DMD: variants seen among roughly 807,000 people sequenced by gnomAD.
The protein encoded by DMD is dystrophin, also known as mutant dystrophin.
A neutral mutation model predicts 330.1 loss-of-function variants in DMD; 63 were observed. The ratio of observed to expected loss-of-function variants is 0.19; its 90% CI spans 0.16 to 0.24. DMD has a LOEUF of 0.24. Ranked by LOEUF, DMD falls within the 10% of genes least tolerant of loss-of-function variation. The pLI, the probability that DMD is intolerant of heterozygous loss-of-function variation, is 1.00. For synonymous variants in DMD, 1,223 were observed against 959.8 expected (o/e 1.27, Z -5.07); for missense variants, 3,344 against 2,684.1 (o/e 1.25, Z -5.43).
At chrX:32,819,140 G>A (rs1231785711) in intron 5 of DMD, among the ~76,000 whole-genome samples, 1 of 109,339 alleles carries the variant, frequency 9.1e-6, no homozygotes, top group Non-Finnish European at 1.9e-5. Flanking sequence ...AATGAAGAGG[G>A]TAGGAATAAT....
chrX:32,834,573 A>G (rs1366103162), intron 4 of DMD, among the ~76,000 whole-genome samples: 1 of 111,796 alleles, frequency 8.9e-6, no homozygotes, highest in Non-Finnish European at 1.9e-5. Flanking sequence ...TTAAGTGAAT[A>G]TTTGAACATA....
chrX:32,016,850 C>A (rs1322264268), intron 44 of DMD, among the ~76,000 whole-genome samples: 1 of 112,526 alleles, frequency 8.9e-6, no homozygotes, highest in African/African-American at 3.2e-5. Context: ...GTAAAATGGG[C>A]TGTTAAACAC....
In DMD at chrX:32,970,446, T is replaced by A. The variant is rs1345002303; in HGVS notation, c.93+49693A>T. The stretch of plus-strand genomic sequence containing the variant: ...TGTACCCCATAAATATATATATCTA[T>A]TGTGTACCCACAAAAATAAGATACT... On this transcript the variant is annotated intron_variant, in intron 2 of 78. Transcript: ENST00000357033. 4.3e-5 allele frequency among the ~76,000 whole-genome samples: 4 copies of A among 93,265 alleles called. 1 individual carries two copies. The East Asian group carries it at 1.3e-3, about 31-fold the overall frequency. The allele number at this position is 93,265 out of a possible 115,157, so 81.0% of individuals were successfully genotyped here.
chrX:33,075,292 C>A (rs1410293260), intron 1 of DMD, among the ~76,000 whole-genome samples: 3 of 111,948 alleles, frequency 2.7e-5, no homozygotes, highest in Admixed American at 9.5e-5. Flanking sequence ...CAGTCAGCAG[C>A]AAGCACCTAT....
At chrX:32,640,716 T>C (rs1338562668) in intron 11 of DMD, among the ~76,000 whole-genome samples, 1 of 111,473 alleles carries the variant, frequency 9.0e-6, no homozygotes, top group East Asian at 2.8e-4. Context: ...TACCAGCTGG[T>C]CTAAGACACT....
intron 9 of DMD, among the ~76,000 whole-genome samples, chrX:32,664,499 T>C (rs111988094): frequency 0.019 from 2,108 of 110,226 alleles, 59 homozygotes; most frequent in African/African-American, 0.066. Flanking sequence ...CCTCGGCCTC[T>C]CAAAGTGCTG....
chrX:32,685,909 A>C (rs2062825297), intron 9 of DMD, among the ~76,000 whole-genome samples: 1 of 112,012 alleles, frequency 8.9e-6, no homozygotes. Flanking sequence ...ACCGTTAATT[A>C]TGTGTTGATT....
At chrX:32,145,236 T>G (rs1229523245) in intron 44 of DMD, among the ~76,000 whole-genome samples, 1 of 112,396 alleles carries the variant, frequency 8.9e-6, no homozygotes, top group Non-Finnish European at 1.9e-5. Context: ...GCTGGAAGTG[T>G]TTTTGTTACT....
chrX:32,269,758 A>G (rs964404304), intron 43 of DMD, among the ~76,000 whole-genome samples: 9 of 112,000 alleles, frequency 8.0e-5, no homozygotes, highest in Non-Finnish European at 1.5e-4. Flanking sequence ...TACTTTTAAA[A>G]CTAGTTATTA....
intron 70 of DMD, 177 bp downstream of exon 70, chrX:31,178,492 A>G (rs1216974368): frequency 3.1e-6 from 3 of 982,568 alleles, no homozygotes; most frequent in Non-Finnish European, 2.6e-6. Flanking sequence ...GAAATTGTCA[A>G]GTGACGTGGG....
At chrX:32,653,797 A>G (rs904905508) in intron 9 of DMD, among the ~76,000 whole-genome samples, 4 of 111,853 alleles carry the variant, frequency 3.6e-5, no homozygotes, top group African/African-American at 1.3e-4. Context: ...TGAGCATAGA[A>G]TGTTCTTCCA....
At chrX:33,207,622 T>A (rs1490648204) in intron 1 of DMD, among the ~76,000 whole-genome samples, 1 of 111,087 alleles carries the variant, frequency 9.0e-6, no homozygotes, top group South Asian at 3.8e-4. Context: ...CTTGGTAAAA[T>A]AATAAATTAT....
chrX:32,618,012 C>T (rs2057710527), intron 11 of DMD, among the ~76,000 whole-genome samples: 1 of 111,556 alleles, frequency 9.0e-6, no homozygotes, highest in Non-Finnish European at 1.9e-5. Context: ...ATTAAAACCA[C>T]AATGAGGTAT....
At chrX:32,775,781 T>C (rs2074079464) in intron 7 of DMD, among the ~76,000 whole-genome samples, 1 of 113,076 alleles carries the variant, frequency 8.8e-6, no homozygotes, top group African/African-American at 3.2e-5. Flanking sequence ...CCCCATTGTC[T>C]TGGCTACTAA....
At position 33,265,796 on chromosome X, in the gene DMD, C is replaced by G. The variant is rs1461091444; in HGVS notation, c.7+73463G>C. On this transcript the variant is annotated intron_variant, in intron 1 of 17. Transcript: ENST00000288447. The stretch of plus-strand genomic sequence containing the variant: ...AGAATTCCACGTTAAAACTCCTGAA[C>G]TTAATATAAGCTTTATCAGCAACAT... Among the ~76,000 whole-genome samples the G allele has an allele frequency of 2.7e-5, 3 of 111,542 alleles. No homozygotes were observed. In the Admixed American group the frequency reaches 2.9e-4, roughly 11 times the overall value.
intron 30 of DMD, among the ~76,000 whole-genome samples, chrX:32,405,055 C>T (rs755477747): frequency 2.8e-4 from 31 of 111,719 alleles, no homozygotes; most frequent in African/African-American, 6.8e-4. Context: ...AGAAGAGAAT[C>T]TTTATAGAAG....
At chrX:32,766,443 ACT>A (rs956382396) in intron 7 of DMD, among the ~76,000 whole-genome samples, 2 of 110,455 alleles carry the variant, frequency 1.8e-5, no homozygotes, top group African/African-American at 3.3e-5. Context: ...TAAGTATTTT[ACT>A]CTTTTTGTTA....
At chrX:31,928,525 G>A (rs1374877140) in intron 47 of DMD, among the ~76,000 whole-genome samples, 1 of 110,037 alleles carries the variant, frequency 9.1e-6, no homozygotes, top group Non-Finnish European at 1.9e-5. Context: ...AGAACCACTT[G>A]AACCTGGGAG....
chrX:32,760,182 C>T (rs970289913), intron 7 of DMD, among the ~76,000 whole-genome samples: 4 of 111,601 alleles, frequency 3.6e-5, no homozygotes, highest in Non-Finnish European at 7.5e-5. Flanking sequence ...TATTAGGTAA[C>T]GTACCCAAGG....
Sources: gnomAD v4.1 joint callset for allele counts (sites outside exome capture counted in the v4.1 genomes callset) on GRCh38, gnomAD v4.1.1 for gene constraint, MANE v1.5 for transcripts, NCBI Gene and HGNC (gene_info 2026-07-23, HGNC 2026-07-21) for gene names.